Variants in GPAT3 observed in about 807,000 individuals in gnomAD.
The protein encoded by GPAT3 is glycerol-3-phosphate acyltransferase 3, also known as 1-AGP acyltransferase 9.
A neutral mutation model predicts 58.8 loss-of-function variants in GPAT3; 53 were observed. The ratio of observed to expected loss-of-function variants is 0.90; its 90% CI spans 0.72 to 1.13. GPAT3 has a LOEUF of 1.13. GPAT3 is among the 50% of genes most tolerant of loss of function. GPAT3 has a pLI of 0.00. For missense variants in GPAT3, 511 were observed against 527.6 expected (o/e 0.97, Z 0.31); for synonymous variants, 197 against 187.4 (o/e 1.05, Z -0.42).
rs267600278 is a variant in GPAT3 at position 83,581,613 on chromosome 4, G to A, written c.260G>A (p.Arg87Gln). 1.2e-5 allele frequency: 19 copies of A among 1,614,010 alleles called. No homozygotes were observed. Among genetic ancestry groups the A allele is most frequent in the Middle Eastern group, 1.6e-4 (1 of 6,084 alleles). The change falls in exon 3 of 12, where the codon CGA becomes CAA. Residue 87 changes from arginine (R) to glutamine (Q), a missense_variant. Transcript: ENST00000264409. ...SPMEKGLSGL[R>Q]GRDFELSDVF... ...ATGGAAAAAGGGCTCTCTGGTCTACGAGGAAGGGACTTTGAGCTGTCTGAC... is the reference window on the plus strand; with the variant it reads ...ATGGAAAAAGGGCTCTCTGGTCTACAAGGAAGGGACTTTGAGCTGTCTGAC...
intron 2 of GPAT3, among the ~76,000 whole-genome samples, chr4:83,562,995 G>A (rs1201146588): frequency 3.9e-5 from 6 of 152,196 alleles, no homozygotes; most frequent in Non-Finnish European, 8.8e-5. Context: ...TACACATGAG[G>A]TGGGAGATTA....
chr4:83,540,097 C>A, intron 1 of GPAT3, among the ~76,000 whole-genome samples: 1 of 144,654 alleles, frequency 6.9e-6, no homozygotes, highest in East Asian at 2.0e-4. Flanking sequence ...GCAGAGGCTA[C>A]AGTGAGCCAA....
chr4:83,565,623 G>A (rs1195936383), intron 2 of GPAT3, among the ~76,000 whole-genome samples: 1 of 152,110 alleles, frequency 6.6e-6, no homozygotes, highest in East Asian at 1.9e-4. Flanking sequence ...AGCCTCCCTA[G>A]TAGCTGGGAT....
upstream of GPAT3, chr4:83,536,063 G>A: frequency 1.0e-6 from 1 of 985,486 alleles, no homozygotes. Flanking sequence ...GAGGTGGGGC[G>A]AGGGCAGCGC....
At chr4:83,603,057 T>C (rs1231790312) in intron 11 of GPAT3, among the ~76,000 whole-genome samples, 1 of 152,234 alleles carries the variant, frequency 6.6e-6, no homozygotes, top group South Asian at 2.1e-4. Context: ...TCTGTCCACA[T>C]GGCATTGAGT....
chr4:83,581,863 C>T (rs200743329), intron 3 of GPAT3, 31 bp downstream of exon 3: 58 of 1,576,612 alleles, frequency 3.7e-5, no homozygotes, highest in African/African-American at 1.4e-4. Flanking sequence ...TTTGATGATA[C>T]GCTTGACTCA....
At chr4:83,567,621 G>A (rs1283680797) in intron 2 of GPAT3, among the ~76,000 whole-genome samples, 2 of 152,040 alleles carry the variant, frequency 1.3e-5, no homozygotes, top group South Asian at 2.1e-4. Flanking sequence ...CAGTTTAAAT[G>A]TTTGGTAGAA....
intron 2 of GPAT3, among the ~76,000 whole-genome samples, chr4:83,554,914 C>T (rs1477669775): frequency 6.6e-6 from 1 of 151,742 alleles, no homozygotes; most frequent in Non-Finnish European, 1.5e-5. Flanking sequence ...AGTGATTCTC[C>T]AGCCTCAGCC....
chr4:83,602,961 G>A (rs1727114048), intron 11 of GPAT3, among the ~76,000 whole-genome samples: 1 of 152,068 alleles, frequency 6.6e-6, no homozygotes. Context: ...TTTTTAAGTT[G>A]AGGACTTATT....
intron 2 of GPAT3, among the ~76,000 whole-genome samples, chr4:83,550,093 G>A (rs965815555): frequency 1.3e-5 from 2 of 151,924 alleles, no homozygotes; most frequent in Non-Finnish European, 1.5e-5. Flanking sequence ...TCCTCAGGAT[G>A]GTCTTAAGTG....
chr4:83,604,627 G>T, intron 11 of GPAT3, 41 bp from the exon 12 acceptor site: 5 of 1,509,478 alleles, frequency 3.3e-6, no homozygotes, highest in Non-Finnish European at 4.6e-6. Context: ...TTAAATCACC[G>T]CTGTAAAGTA....
intron 3 of GPAT3, among the ~76,000 whole-genome samples, chr4:83,584,345 T>C (rs1578190999): frequency 6.6e-6 from 1 of 152,212 alleles, no homozygotes; most frequent in Non-Finnish European, 1.5e-5. Context: ...TTCAGACTCC[T>C]ACTCTTAGTG....
chr4:83,586,153 C>T (rs1346853471), intron 3 of GPAT3, among the ~76,000 whole-genome samples: 2 of 152,030 alleles, frequency 1.3e-5, no homozygotes, highest in African/African-American at 2.4e-5. Context: ...TAGAATATTG[C>T]GTGGTGTATA....
chr4:83,589,663 C>A (rs1014266030), intron 5 of GPAT3, among the ~76,000 whole-genome samples: 4 of 152,128 alleles, frequency 2.6e-5, no homozygotes, highest in African/African-American at 9.7e-5. Flanking sequence ...TGTGAAAATA[C>A]TTCAGATTAA....
intron 2 of GPAT3, among the ~76,000 whole-genome samples, chr4:83,575,897 A>G (rs2110092511): frequency 6.6e-6 from 1 of 152,298 alleles, no homozygotes; most frequent in South Asian, 2.1e-4. Flanking sequence ...TAATAAATAC[A>G]ACATTACAGA....
intron 6 of GPAT3, among the ~76,000 whole-genome samples, chr4:83,592,153 C>G (rs534708970): frequency 1.3e-5 from 2 of 152,296 alleles, no homozygotes; most frequent in African/African-American, 4.8e-5. Flanking sequence ...TTCTGGTCAA[C>G]AAAGAGTTGA....
chr4:83,588,083 T>C (rs1729725435), intron 4 of GPAT3, 127 bp from the exon 5 acceptor site: 3 of 706,748 alleles, frequency 4.2e-6, no homozygotes, highest in Non-Finnish European at 4.7e-6. Flanking sequence ...ACTATAAGAA[T>C]TGAACTGTAC....
At chr4:83,545,665 T>G (rs1343795035) in intron 2 of GPAT3, among the ~76,000 whole-genome samples, 1 of 152,212 alleles carries the variant, frequency 6.6e-6, no homozygotes, top group African/African-American at 2.4e-5. Flanking sequence ...ACCCAAATAT[T>G]ATCACCAATC....
At chr4:83,549,501 A>G (rs1401041054) in intron 2 of GPAT3, among the ~76,000 whole-genome samples, 4 of 147,916 alleles carry the variant, frequency 2.7e-5, no homozygotes, top group Non-Finnish European at 4.5e-5. Flanking sequence ...ATGTATTAGT[A>G]TGTGAAATAT....
Sources: allele counts gnomAD v4.1 joint callset (sites outside exome capture counted in the v4.1 genomes callset), GRCh38; gene constraint gnomAD v4.1.1; transcripts MANE v1.5; gene names NCBI Gene and HGNC (gene_info 2026-07-23, HGNC 2026-07-21).